Variants in NLRC4 observed in about 807,000 individuals in gnomAD.
NLRC4 encodes the protein NLR family CARD domain-containing protein 4.
A neutral mutation model predicts 79.9 loss-of-function variants in NLRC4; 63 were observed. That is an observed-to-expected ratio of 0.79 (90% CI 0.64 to 0.97). NLRC4 has a LOEUF of 0.97. Ranked by LOEUF, NLRC4 falls within the 50% of genes least tolerant of loss-of-function variation. The probability of loss-of-function intolerance (pLI) is 0.00; values close to 1 mark genes in which losing one functional copy is unlikely to be tolerated. For missense variants in NLRC4, 1,074 were observed against 1,215.2 expected (o/e 0.88, Z 1.73); for synonymous variants, 461 against 456.5 (o/e 1.01, Z -0.12).
chr2:32,262,443 G>A (rs1687374062), intron 1 of NLRC4, among the ~76,000 whole-genome samples: 1 of 152,108 alleles, frequency 6.6e-6, no homozygotes, highest in South Asian at 2.1e-4. Flanking sequence ...ATATACTGAA[G>A]ATCATGTAAT....
At chr2:32,265,621 A>C (rs1199112278), upstream of NLRC4, 1 of 152,386 alleles carries the variant, frequency 6.6e-6, no homozygotes, top group Non-Finnish European at 1.5e-5. Flanking sequence ...CTTCCAGCAG[A>C]TGTGTTCTCT....
chr2:32,244,130 G>A (rs1165473619), intron 4 of NLRC4, among the ~76,000 whole-genome samples: 1 of 152,034 alleles, frequency 6.6e-6, no homozygotes, highest in African/African-American at 2.4e-5. Context: ...CACACTTATG[G>A]TCCCAGCTAG....
intron 8 of NLRC4, among the ~76,000 whole-genome samples, chr2:32,227,380 C>G (rs1028515549): frequency 2.6e-5 from 4 of 152,170 alleles, no homozygotes; most frequent in African/African-American, 9.7e-5. Flanking sequence ...TGCCTTCCAC[C>G]TCCTCTGTTC....
chr2:32,260,345 G>A (rs932429885), intron 1 of NLRC4, among the ~76,000 whole-genome samples: 5 of 151,830 alleles, frequency 3.3e-5, no homozygotes, highest in African/African-American at 1.2e-4. Flanking sequence ...TTTGTACAAG[G>A]GGGTCCTTCC....
Position 32,249,736 on chromosome 2 carries a change from T to G in NLRC4, c.2128A>C (p.Thr710Pro). 1 of 1,614,218 alleles carries G rather than the reference T, an allele frequency of 6.2e-7. No homozygotes were observed. Among genetic ancestry groups the G allele is most frequent in the Non-Finnish European group, 8.5e-7 (1 of 1,180,040 alleles). ...ATGAGAGAATAAATGTTCTTACAGG[T>G]GCTGAGGACCAAACTGAGGCTTCCA... The part of the protein sequence containing the change: ...VAGSLSLVLS[T>P]CKNIYSLMVE... The change falls in exon 4 of 9, where the codon ACC (threonine) becomes CCC (proline). Residue 710 changes from threonine (T) to proline (P), a missense_variant. Coordinates refer to ENST00000402280, the MANE Select transcript of NLRC4 (RefSeq NM_001199138.2).
intron 8 of NLRC4, 53 bp downstream of exon 8, chr2:32,235,348 G>A: frequency 7.1e-7 from 1 of 1,407,476 alleles, no homozygotes; most frequent in Non-Finnish European, 9.9e-7. Context: ...GCCAACTTAA[G>A]AATTTTTTAA....
chr2:32,242,037 T>C (rs1032496252), intron 4 of NLRC4, among the ~76,000 whole-genome samples: 3 of 152,144 alleles, frequency 2.0e-5, no homozygotes, highest in African/African-American at 7.2e-5. Flanking sequence ...ATTATGCCTT[T>C]ATTATACAAA....
chr2:32,228,194 G>A (rs1686448091), intron 8 of NLRC4, among the ~76,000 whole-genome samples: 1 of 152,176 alleles, frequency 6.6e-6, no homozygotes, highest in African/African-American at 2.4e-5. Context: ...GGGTGCTATG[G>A]TAGGTCAGGG....
At position 32,245,289 on chromosome 2, in the gene NLRC4, C is replaced by T. The variant is rs186924965; in HGVS notation, c.2258-4164G>A. 2.7e-3 allele frequency among the ~76,000 whole-genome samples: 312 copies of T among 116,788 alleles called. 1 individual carries two copies. The highest frequency in any genetic ancestry group is 7.2e-3 in the Middle Eastern group (1 of 138). The allele number at this position is 116,788 out of a possible 152,430, so 76.6% of individuals were successfully genotyped here. On this transcript the variant is annotated intron_variant, in intron 4 of 8. Transcript: ENST00000402280. ...TCACACCACTGCACCCCAGCCTGGG[C>T]GACAGAGTGAGACTCCTTCTCAAAA... is the stretch of plus-strand genomic sequence containing the variant.
At chr2:32,231,322 T>A (rs1686527521) in intron 8 of NLRC4, among the ~76,000 whole-genome samples, 1 of 149,964 alleles carries the variant, frequency 6.7e-6, no homozygotes, top group Admixed American at 6.7e-5. Context: ...GCCCGGCTAA[T>A]TTTTTTGTAT....
chr2:32,250,989 G>A lies in NLRC4; in HGVS notation c.875C>T (p.Ala292Val). The A allele has an allele frequency of 6.2e-7, 1 of 1,614,158 alleles. No homozygotes were observed. Among genetic ancestry groups the A allele is most frequent in the Non-Finnish European group, 8.5e-7 (1 of 1,180,028 alleles). ...CATATCCCCCACCTCAGCAGTCAGG[G>A]CACCAAACTGCCGTATGTGCCTCAG... is the stretch of plus-strand genomic sequence containing the variant. Reference protein sequence around the residue: ...ECLRHIRQFGALTAEVGDMTE... With the variant: ...ECLRHIRQFGVLTAEVGDMTE... Residue 292 changes from alanine to valine, a missense_variant, in exon 4 of 9, where the codon GCC becomes GTC. Coordinates refer to ENST00000402280, the MANE Select transcript of NLRC4 (RefSeq NM_001199138.2). This position sits in a 1 kb window ranked among gnomAD's most constrained non-coding sequence, Gnocchi z 4.9.
Position 32,228,895 on chromosome 2 carries a change from T to C in NLRC4, c.2783-4130A>G, listed in dbSNP as rs542743691. ...GATCCTGCCAACTCAGCTTCCCGTA[T>C]AGCTGGGATTATAAGTATGTGCACT... On this transcript the variant is annotated intron_variant, in intron 8 of 8. Coordinates refer to ENST00000402280, the MANE Select transcript of NLRC4 (RefSeq NM_001199138.2). 4.6e-5 allele frequency among the ~76,000 whole-genome samples: 7 copies of C among 152,172 alleles called. No individual in the cohort carries two copies. In the South Asian group the frequency reaches 1.5e-3, roughly 32 times the overall value.
At chr2:32,263,875 A>G (rs2148950377) in intron 1 of NLRC4, among the ~76,000 whole-genome samples, 1 of 152,326 alleles carries the variant, frequency 6.6e-6, no homozygotes, top group Middle Eastern at 3.4e-3. Context: ...TTTGTAGACA[A>G]TTAGCAGTGT....
chr2:32,231,790 G>A (rs546976613), intron 8 of NLRC4, among the ~76,000 whole-genome samples: 1 of 151,988 alleles, frequency 6.6e-6, no homozygotes, highest in Non-Finnish European at 1.5e-5. Context: ...GGACTCCTGG[G>A]CTCAAGCAAT....
At chr2:32,248,262 C>A (rs1326330824) in intron 4 of NLRC4, among the ~76,000 whole-genome samples, 1 of 152,190 alleles carries the variant, frequency 6.6e-6, no homozygotes, top group Non-Finnish European at 1.5e-5. Context: ...CCCCCACCAA[C>A]TGAATGCATC....
At position 32,251,415 on chromosome 2, in the gene NLRC4, T is replaced by C; in HGVS notation, c.449A>G (p.Glu150Gly). ...WRKDQHHHRV[E>G]QLTLNGLLQA... ...CAGGAGGCCATTCAGGGTCAGCTGC[T>C]CCACGCGGTGATGGTGTTGGTCCTT... Residue 150 changes from glutamate (E) to glycine (G), a missense_variant, in exon 4 of 9, where the codon GAG becomes GGG. Transcript: ENST00000402280. 6.2e-7 allele frequency: 1 copy of C among 1,614,086 alleles called. No homozygotes were observed.
intron 1 of NLRC4, among the ~76,000 whole-genome samples, chr2:32,264,094 C>G (rs1433935343): frequency 6.6e-6 from 1 of 152,096 alleles, no homozygotes; most frequent in African/African-American, 2.4e-5. Context: ...CACCTCGTTC[C>G]TTTCAGCTTT....
chr2:32,225,439 GTGTGTGTA>G (rs1278445042), intron 8 of NLRC4, among the ~76,000 whole-genome samples: 1 of 148,216 alleles, frequency 6.7e-6, no homozygotes, highest in Non-Finnish European at 1.5e-5. Context: ...GTGTGTGTGT[GTGTGTGTA>G]TACATACACA....
At chr2:32,258,048 G>T (rs1687249481) in intron 1 of NLRC4, among the ~76,000 whole-genome samples, 1 of 152,148 alleles carries the variant, frequency 6.6e-6, no homozygotes, top group Non-Finnish European at 1.5e-5. Flanking sequence ...TGGATCACAC[G>T]TGGTCTTGGA....
Sources: allele counts gnomAD v4.1 joint callset (sites outside exome capture counted in the v4.1 genomes callset), GRCh38; gene constraint gnomAD v4.1.1; non-coding constraint Gnocchi (gnomAD v3.1); transcripts MANE v1.5; gene names NCBI Gene and HGNC (gene_info 2026-07-23, HGNC 2026-07-21).